METTL21C: variants seen among roughly 807,000 people sequenced by gnomAD.
METTL21C encodes methyltransferase 21C, AARS1 lysine.
METTL21C carries 21 observed loss-of-function variants against 25.9 expected under a neutral mutation model. The ratio of observed to expected loss-of-function variants is 0.81; its 90% CI spans 0.58 to 1.17. METTL21C has a LOEUF of 1.17. Among genes scored for constraint, METTL21C ranks in the 50% most tolerant of loss-of-function variants. METTL21C has a pLI of 0.00. For missense variants in METTL21C, 312 were observed against 315.1 expected (o/e 0.99, Z 0.07); for synonymous variants, 125 against 124.7 (o/e 1.00, Z -0.01).
chr13:102,685,760 G>T lies in METTL21C; in HGVS notation c.*271C>A. 1 of 350,012 alleles carries T rather than the reference G, an allele frequency of 2.9e-6. No individual in the cohort carries two copies. Among genetic ancestry groups the T allele is most frequent in the Admixed American group, 4.4e-5 (1 of 22,628 alleles). 21.7% of individuals were successfully genotyped at this position (350,012 alleles called of 1,614,324 possible). A position where few individuals can be genotyped will look rare whatever the true frequency, so the allele number is the denominator to read the frequency against. The stretch of plus-strand genomic sequence containing the variant: ...GAAATTCACTTATTACTTTATCCAT[G>T]TAAGATTTATTAAACATGTAACTTC... On this transcript the variant is annotated 3_prime_UTR_variant, in exon 4 of 4. Transcript: ENST00000267273.
intron 1 of METTL21C, 114 bp from the exon 2 acceptor site, chr13:102,691,078 A>C (rs9518810): frequency 1.7e-6 from 2 of 1,178,406 alleles, no homozygotes; most frequent in Admixed American, 4.3e-5. Flanking sequence ...CATAAAGAGA[A>C]GGGATGATGC....
chr13:102,704,290 G>C, the METTL21C span, among the ~76,000 whole-genome samples: 1 of 152,140 alleles, frequency 6.6e-6, no homozygotes, highest in Non-Finnish European at 1.5e-5. Flanking sequence ...AAGTTGACAG[G>C]GTCAAGTTCT....
chr13:102,690,852 C>T lies in METTL21C; in HGVS notation c.243G>A (p.Gln81=). 1.2e-6 allele frequency: 2 copies of T among 1,614,168 alleles called. No homozygotes were observed. Among genetic ancestry groups the T allele is most frequent in the Non-Finnish European group, 8.5e-7 (1 of 1,180,034 alleles). Residue 81 remains glutamine (Q), a synonymous_variant, in exon 2 of 4, where the codon CAG becomes CAA. Transcript: ENST00000267273. ...YRFAGKEIVI[Q]ESIESYGAVV... ...CCGCTCCGTAACTCTCTATGGATTCCTGGATGACAATCTCCTTTCCTGCAA... is the reference window on the plus strand; with the variant it reads ...CCGCTCCGTAACTCTCTATGGATTCTTGGATGACAATCTCCTTTCCTGCAA...
chr13:102,688,792 G>A (rs931353982), intron 2 of METTL21C, among the ~76,000 whole-genome samples: 7 of 152,150 alleles, frequency 4.6e-5, no homozygotes, highest in African/African-American at 1.2e-4. Flanking sequence ...GCCCTGTGAG[G>A]GGCTGGCCGC....
chr13:102,694,898 TCTCACA>T lies in METTL21C; in HGVS notation c.-406_-401del, dbSNP rs1348389710. Among the ~76,000 whole-genome samples, 8 of 141,752 alleles carry T rather than the reference TCTCACA, an allele frequency of 5.6e-5. No individual in the cohort carries two copies. Among genetic ancestry groups the T allele is most frequent in the African/African-American group, 1.3e-4 (5 of 37,660 alleles). 93.0% of individuals were successfully genotyped at this position (141,752 alleles called of 152,430 possible). On this transcript the variant is annotated 5_prime_UTR_variant, in exon 1 of 4. The change abolishes the stop of an existing upstream ORF in the 5' untranslated region. Coordinates refer to ENST00000267273, the MANE Select transcript of METTL21C (RefSeq NM_001010977.3). ...TTCTCTCTCTCTCTCTCTCTCTCTC[TCTCACA>T]CACACACACACACACACACACACAC... is the stretch of plus-strand genomic sequence containing the variant.
At position 102,694,847 on chromosome 13, in the gene METTL21C, C is replaced by T. The variant is rs1212431123; in HGVS notation, c.-349G>A. On this transcript the variant is annotated 5_prime_UTR_variant, in exon 1 of 4. The change creates a new upstream start codon in the 5' untranslated region. Transcript: ENST00000267273. ...CATTATCTACCAGTCCTCATAGACA[C>T]ATTACTTTGCTAGAATTCTCTCTCT... Among the ~76,000 whole-genome samples the T allele has an allele frequency of 6.6e-6, 1 of 151,220 alleles. No homozygotes were observed. The highest frequency in any genetic ancestry group is 2.4e-5 in the African/African-American group (1 of 40,934).
At chr13:102,694,332 TG>T in intron 1 of METTL21C, 36 bp downstream of exon 1, 3 of 1,586,292 alleles carry the variant, frequency 1.9e-6, no homozygotes, top group Non-Finnish European at 2.6e-6. Context: ...GGAAAACAAC[TG>T]AGGAAAACTG....
At chr13:102,689,536 C>A (rs1421129256) in intron 2 of METTL21C, among the ~76,000 whole-genome samples, 2 of 152,202 alleles carry the variant, frequency 1.3e-5, no homozygotes, top group East Asian at 3.9e-4. Flanking sequence ...AATGTGGGCA[C>A]CCTGGCCCAG....
Position 102,694,894 on chromosome 13 carries a change from T to TCA in METTL21C, c.-397_-396insTG, listed in dbSNP as rs1346890971. 2.3e-4 allele frequency among the ~76,000 whole-genome samples: 33 copies of TCA among 142,588 alleles called. No homozygotes were observed. Among genetic ancestry groups the TCA allele is most frequent in the African/African-American group, 8.2e-4 (31 of 37,894 alleles). The allele number at this position is 142,588 out of a possible 152,430, so 93.5% of individuals were successfully genotyped here. A position where few individuals can be genotyped will look rare whatever the true frequency, so the allele number is the denominator to read the frequency against. On this transcript the variant is annotated 5_prime_UTR_variant, in exon 1 of 4. Transcript: ENST00000267273. ...CTCTTTCTCTCTCTCTCTCTCTCTCTCTCTCTCACACACACACACACACAC... is the reference window on the plus strand; with the variant it reads ...CTCTTTCTCTCTCTCTCTCTCTCTCTCACTCTCTCACACACACACACACACAC...
chr13:102,692,013 C>A (rs1382515588), intron 1 of METTL21C, among the ~76,000 whole-genome samples: 1 of 151,838 alleles, frequency 6.6e-6, no homozygotes, highest in Non-Finnish European at 1.5e-5. Flanking sequence ...GGTGTTGGTC[C>A]CAGCGGGTGG....
Position 102,685,915 on chromosome 13 carries a change from A to ATG in METTL21C, c.*115_*116insCA, listed in dbSNP as rs1302312392. 3 of 979,848 alleles carry ATG rather than the reference A, an allele frequency of 3.1e-6. No homozygotes were observed. The highest frequency in any genetic ancestry group is 4.4e-6 in the Non-Finnish European group (3 of 679,856). The allele number at this position is 979,848 out of a possible 1,614,324, so 60.7% of individuals were successfully genotyped here. On this transcript the variant is annotated 3_prime_UTR_variant, in exon 4 of 4. Transcript: ENST00000267273. ...GTATTGTTACATTTGTTCCAAGTAT[A>ATG]CAAGTTGTTTCTATGCACTACCTTC...
Position 102,690,868 on chromosome 13 carries a change from T to A in METTL21C, c.227A>T (p.Lys76Met), listed in dbSNP as rs754744394. ...YTQEHYRFAGKEIVIQESIES... is the reference protein window; with the variant it reads ...YTQEHYRFAGMEIVIQESIES... ...TATGGATTCCTGGATGACAATCTCC[T>A]TTCCTGCAAACCGATAATGCTCCTG... The change falls in exon 2 of 4, where the codon AAG becomes ATG. Residue 76 changes from lysine to methionine, a missense_variant. By Grantham distance (95) the Lys-to-Met change is moderately conservative (BLOSUM62 -1). Transcript: ENST00000267273. 1 of 1,614,174 alleles carries A rather than the reference T, an allele frequency of 6.2e-7. No individual in the cohort carries two copies. Among genetic ancestry groups the A allele is most frequent in the South Asian group, 1.1e-5 (1 of 91,086 alleles).
intron 1 of METTL21C, 86 bp downstream of exon 1, chr13:102,694,283 A>G (rs1885895452): frequency 6.8e-7 from 1 of 1,462,422 alleles, no homozygotes; most frequent in African/African-American, 1.4e-5. Flanking sequence ...GGAAATGGAA[A>G]TTCTTGTCAC....
At chr13:102,695,802 C>T (rs1229284933), upstream of METTL21C, among the ~76,000 whole-genome samples, 1 of 152,208 alleles carries the variant, frequency 6.6e-6, no homozygotes, top group Non-Finnish European at 1.5e-5. Context: ...CATTCTGCAT[C>T]TCTGCAACTT....
At chr13:102,689,589 G>C (rs1313455070) in intron 2 of METTL21C, among the ~76,000 whole-genome samples, 3 of 152,224 alleles carry the variant, frequency 2.0e-5, no homozygotes, top group Admixed American at 2.0e-4. Flanking sequence ...TCCTGAATCA[G>C]AATCCGCATT....
the METTL21C span, among the ~76,000 whole-genome samples, chr13:102,702,358 A>ACAAT: frequency 6.6e-6 from 1 of 152,180 alleles, no homozygotes; most frequent in African/African-American, 2.4e-5. Flanking sequence ...GAAAAAGACA[A>ACAAT]CAATATCCAC....
chr13:102,698,974 T>C (rs1283862702), upstream of METTL21C, among the ~76,000 whole-genome samples: 1 of 152,166 alleles, frequency 6.6e-6, no homozygotes, highest in Non-Finnish European at 1.5e-5. Context: ...CATCCATCAC[T>C]GTGTATCTAT....
Position 102,686,922 on chromosome 13 carries a change from A to C in METTL21C, c.400+18T>G. On this transcript the variant is annotated intron_variant, in intron 3 of 3. Transcript: ENST00000267273. The stretch of plus-strand genomic sequence containing the variant: ...ACAGTAAAGATCTGGATACTAGGTC[A>C]GGAATAAACAAACAAACCTAAAATA... 6.4e-7 allele frequency: 1 copy of C among 1,573,192 alleles called. No individual in the cohort carries two copies. The highest frequency in any genetic ancestry group is 1.3e-5 in the African/African-American group (1 of 74,108).
At chr13:102,699,305 C>T (rs537959474), upstream of METTL21C, among the ~76,000 whole-genome samples, 6 of 152,260 alleles carry the variant, frequency 3.9e-5, no homozygotes, top group African/African-American at 1.4e-4. Context: ...TTGCACTTCC[C>T]AAGTCCAAAC....
Sources: gnomAD v4.1 joint callset for allele counts (sites outside exome capture counted in the v4.1 genomes callset) on GRCh38, gnomAD v4.1.1 for gene constraint, MANE v1.5 for transcripts, NCBI Gene and HGNC (gene_info 2026-07-23, HGNC 2026-07-21) for gene names.